The following JMJD1C variants were observed in gnomAD, a reference collection of about 807,000 sequenced individuals.
JMJD1C encodes jumonji domain-containing protein 1C.
Under a neutral mutation model 245.3 loss-of-function variants are expected in JMJD1C, and 31 were observed. The observed-to-expected ratio is 0.13, with a 90% CI of 0.09 to 0.17. JMJD1C has a LOEUF of 0.17. Among genes scored for constraint, JMJD1C ranks in the 10% least tolerant of loss-of-function variants. The probability of loss-of-function intolerance (pLI) is 1.00; values close to 1 mark genes in which losing one functional copy is unlikely to be tolerated. For missense variants in JMJD1C, 2,691 were observed against 3,000.2 expected (o/e 0.90, Z 2.41); for synonymous variants, 1,057 against 1,017.4 (o/e 1.04, Z -0.74).
At position 63,200,543 on chromosome 10, in the gene JMJD1C, T is replaced by G. The variant is rs745678602; in HGVS notation, c.5209A>C (p.Ile1737Leu). 1.9e-6 allele frequency: 3 copies of G among 1,614,056 alleles called. No individual in the cohort carries two copies. The highest frequency in any genetic ancestry group is 2.5e-6 in the Non-Finnish European group (3 of 1,179,932). The change falls in exon 11 of 26, where the codon ATT (isoleucine) becomes CTT (leucine). Residue 1737 changes from isoleucine (I) to leucine (L), a missense_variant. Physicochemically the swap from Ile to Leu is conservative, Grantham distance 5. This residue lies in a region of JMJD1C where 139 missense variants were observed against 270.5 expected (regional missense o/e 0.51). Transcript: ENST00000399262. ...GGTTCTTCTCCTTTTTTACTGCGAA[T>G]AAGTCTACATTCTCGACACTTTTGT... ...NLQKCRECRL[I>L]RSKKGEEPAH...
At chr10:63,364,503 TTTTG>T (rs1945681181) in intron 2 of JMJD1C, among the ~76,000 whole-genome samples, 1 of 152,142 alleles carries the variant, frequency 6.6e-6, no homozygotes, top group South Asian at 2.1e-4. Flanking sequence ...TAAGCAGGTT[TTTTG>T]TTTGTTTTTT....
chr10:63,226,863 G>A (rs1348311406), intron 3 of JMJD1C, among the ~76,000 whole-genome samples: 1 of 152,058 alleles, frequency 6.6e-6, no homozygotes, highest in East Asian at 1.9e-4. Flanking sequence ...TTCAAGACCA[G>A]CCTGACCAAC....
chr10:63,369,079 A>G (rs1490060278), intron 2 of JMJD1C, among the ~76,000 whole-genome samples: 4 of 152,076 alleles, frequency 2.6e-5, no homozygotes, highest in Admixed American at 6.6e-5. Flanking sequence ...ACCATCAACT[A>G]ATTTTTCTTC....
At chr10:63,216,726 AAAAC>A (rs71463506) in intron 5 of JMJD1C, among the ~76,000 whole-genome samples, 30,410 of 151,848 alleles carry the variant, frequency 0.2, 3,958 homozygotes, top group Non-Finnish European at 0.29. Flanking sequence ...CAAAAAACAA[AAAAC>A]AAACAAAAAC....
intron 1 of JMJD1C, among the ~76,000 whole-genome samples, chr10:63,483,228 A>C (rs1953883188): frequency 6.6e-6 from 1 of 152,238 alleles, no homozygotes; most frequent in African/African-American, 2.4e-5. Context: ...CAAGAGGATA[A>C]AACACCATTG....
At chr10:63,468,811 A>C (rs957977533), upstream of JMJD1C, among the ~76,000 whole-genome samples, 4 of 152,208 alleles carry the variant, frequency 2.6e-5, no homozygotes, top group Non-Finnish European at 5.9e-5. Context: ...AGTTCACAAA[A>C]ATTTATTCAT....
intron 2 of JMJD1C, among the ~76,000 whole-genome samples, chr10:63,357,180 C>G (rs1035224256): frequency 6.6e-6 from 1 of 151,684 alleles, no homozygotes. Flanking sequence ...ACTATAGATG[C>G]GTGCCACCAC....
rs773039148 is a variant in JMJD1C at position 63,217,194 on chromosome 10, T to G, written c.678+13A>C. The G allele has an allele frequency of 6.3e-7, 1 of 1,596,422 alleles. No individual in the cohort carries two copies. The highest frequency in any genetic ancestry group is 1.1e-5 in the South Asian group (1 of 87,260). ...TTTAAAATCTCTATAAAAATATTAG[T>G]GGAACTATTTACCTGATCATTCATA... On this transcript the variant is annotated intron_variant, in intron 5 of 25. Coordinates refer to ENST00000399262, the MANE Select transcript of JMJD1C (RefSeq NM_032776.3).
At chr10:63,389,417 T>G (rs1350601206) in intron 1 of JMJD1C, among the ~76,000 whole-genome samples, 1 of 150,516 alleles carries the variant, frequency 6.6e-6, no homozygotes, top group Non-Finnish European at 1.5e-5. Context: ...GGAGATCATC[T>G]AGTCATCTAG....
At chr10:63,203,648 G>T (rs1846271338) in intron 10 of JMJD1C, 6 of 978,440 alleles carry the variant, frequency 6.1e-6, no homozygotes, top group Non-Finnish European at 7.3e-6. Flanking sequence ...AAAATTAGTG[G>T]AGAAAAAGCG....
At chr10:63,496,030 T>C (rs1283206874) in intron 1 of JMJD1C, among the ~76,000 whole-genome samples, 1 of 147,732 alleles carries the variant, frequency 6.8e-6, no homozygotes, top group East Asian at 2.0e-4. Context: ...GTGAGGCAAT[T>C]GCACTAAAAA....
chr10:63,426,578 G>A (rs956066199), intron 1 of JMJD1C, among the ~76,000 whole-genome samples: 2 of 152,048 alleles, frequency 1.3e-5, no homozygotes, highest in Non-Finnish European at 2.9e-5. Context: ...GGCTGAGGCA[G>A]GAGAATCACC....
chr10:63,394,469 T>G lies in JMJD1C; in HGVS notation c.169-13987A>C, dbSNP rs1330441828. ...CAGACTTACACGTATAAGGTAAAAC[T>G]TTGTCCAAGAAAATATAATATTCGT... On this transcript the variant is annotated intron_variant, in intron 1 of 25. Transcript: ENST00000399262. 2.0e-5 allele frequency among the ~76,000 whole-genome samples: 3 copies of G among 152,172 alleles called. No individual in the cohort carries two copies. The East Asian group carries it at 5.8e-4, about 29-fold the overall frequency.
In JMJD1C at chr10:63,186,272, T is replaced by C. The variant is rs569254051; in HGVS notation, c.6682A>G (p.Ser2228Gly). The C allele has an allele frequency of 1.2e-6, 2 of 1,613,134 alleles. No homozygotes were observed. The highest frequency in any genetic ancestry group is 1.3e-5 in the African/African-American group (1 of 75,054). ...TTAACATTGGCATTTGAAATGATGCTATCTTTGCAGTTCAGGAGATCAGCT... is the reference window on the plus strand; with the variant it reads ...TTAACATTGGCATTTGAAATGATGCCATCTTTGCAGTTCAGGAGATCAGCT... The part of the protein sequence containing the change: ...HQADLLNCKD[S>G]IISNANVKEF... Residue 2228 changes from serine to glycine, a missense_variant, in exon 19 of 26, where the codon AGC becomes GGC. Ser to Gly is a moderately conservative substitution (Grantham distance 56). Coordinates refer to ENST00000399262, the MANE Select transcript of JMJD1C (RefSeq NM_032776.3).
At chr10:63,325,271 CG>C (rs1432100349) in intron 2 of JMJD1C, among the ~76,000 whole-genome samples, 1 of 152,120 alleles carries the variant, frequency 6.6e-6, no homozygotes, top group East Asian at 1.9e-4. Context: ...ACACAAATGA[CG>C]TAAAACAGGG....
chr10:63,419,365 C>T (rs894851835), intron 1 of JMJD1C, among the ~76,000 whole-genome samples: 1 of 151,518 alleles, frequency 6.6e-6, no homozygotes, highest in Admixed American at 6.6e-5. Context: ...CCAGCCTGGG[C>T]GACAGAGCAA....
intron 1 of JMJD1C, among the ~76,000 whole-genome samples, chr10:63,451,104 A>C (rs1952039921): frequency 6.6e-6 from 1 of 151,346 alleles, no homozygotes. Context: ...AAGGAGACAA[A>C]TGACTGGTAC....
intron 2 of JMJD1C, among the ~76,000 whole-genome samples, chr10:63,363,629 C>T (rs1405029378): frequency 6.6e-6 from 1 of 152,084 alleles, no homozygotes; most frequent in African/African-American, 2.4e-5. Context: ...GCATCTGGGG[C>T]TTTGATTTTG....
chr10:63,514,949 A>ATT lies in JMJD1C; in HGVS notation n.113+6787_113+6788dup, dbSNP rs200646231. Among the ~76,000 whole-genome samples, 11 of 148,710 alleles carry ATT rather than the reference A, an allele frequency of 7.4e-5. 1 individual carries two copies. The South Asian group carries it at 2.3e-3, about 32-fold the overall frequency. On this transcript the variant is annotated intron_variant and non_coding_transcript_variant, in intron 1 of 3. Transcript: ENST00000633035. ...AAAGGTGGACATAATAATACTAAGTATTTTTTTTTTTAAAGCCTACAGTAA... is the reference window on the plus strand; with the variant it reads ...AAAGGTGGACATAATAATACTAAGTATTTTTTTTTTTTTAAAGCCTACAGTAA...
Sources: gnomAD v4.1 joint callset for allele counts (sites outside exome capture counted in the v4.1 genomes callset) on GRCh38, gnomAD v4.1.1 for gene constraint, gnomAD v4.1.1 regional missense constraint, MANE v1.5 for transcripts, NCBI Gene and HGNC (gene_info 2026-07-23, HGNC 2026-07-21) for gene names.